Variants in PKD2L2 observed in about 807,000 individuals in gnomAD.
PKD2L2 encodes the protein polycystin 2 like 2, transient receptor potential cation channel.
A neutral mutation model predicts 83.9 loss-of-function variants in PKD2L2; 67 were observed. That is an observed-to-expected ratio of 0.80 (90% CI 0.66 to 0.98). The LOEUF is 0.98. PKD2L2 is among the 50% of genes least tolerant of loss of function. The probability of loss-of-function intolerance (pLI) is 0.00; values close to 1 mark genes in which losing one functional copy is unlikely to be tolerated. For missense variants in PKD2L2, 632 were observed against 717.2 expected (o/e 0.88, Z 1.36); for synonymous variants, 223 against 237.8 (o/e 0.94, Z 0.57).
intron 12 of PKD2L2, among the ~76,000 whole-genome samples, chr5:137,927,815 TG>T (rs971133611): frequency 6.6e-6 from 1 of 152,222 alleles, no homozygotes; most frequent in African/African-American, 2.4e-5. Context: ...TTCACTACGT[TG>T]GCCAGGCTGG....
chr5:137,923,909 C>T (rs1178236490), intron 10 of PKD2L2, among the ~76,000 whole-genome samples: 2 of 152,190 alleles, frequency 1.3e-5, no homozygotes, highest in Non-Finnish European at 2.9e-5. Flanking sequence ...CATGTGTCGT[C>T]TTCCTCATTT....
chr5:137,940,554 G>C (rs572897654), intron 14 of PKD2L2: 57 of 513,478 alleles, frequency 1.1e-4, no homozygotes, highest in Admixed American at 7.5e-5. Flanking sequence ...TCTACTGATA[G>C]ATTAAATGAT....
rs765492039 is a variant in PKD2L2 at position 137,899,745 on chromosome 5, A to T, written c.746+8A>T. On this transcript the variant is annotated splice_region_variant and intron_variant, in intron 5 of 14. Transcript: ENST00000508883. ...TCTATTTTGTATTATCAGGTGAGTG[A>T]CTCAAAACTTTTTTTCATAGACAGT... The T allele has an allele frequency of 6.5e-7, 1 of 1,539,880 alleles. No individual in the cohort carries two copies. The highest frequency in any genetic ancestry group is 1.1e-5 in the South Asian group (1 of 87,110).
chr5:137,921,798 A>G, intron 9 of PKD2L2, 42 bp downstream of exon 9: 2 of 1,409,232 alleles, frequency 1.4e-6, no homozygotes, highest in Non-Finnish European at 2.0e-6. Flanking sequence ...ACTTTTTAGA[A>G]TAAAAAGTAA....
chr5:137,920,588 C>A (rs547900079), intron 8 of PKD2L2, among the ~76,000 whole-genome samples: 2 of 152,078 alleles, frequency 1.3e-5, no homozygotes, highest in Non-Finnish European at 2.9e-5. Context: ...GAAACCCCAT[C>A]TCTACTAAAA....
chr5:137,935,726 A>G (rs1760273146), intron 12 of PKD2L2, 71 bp from the exon 13 acceptor site: 1 of 807,950 alleles, frequency 1.2e-6, no homozygotes, highest in Non-Finnish European at 2.1e-6. Context: ...CAATCCTGTG[A>G]TGCTTGTGTG....
At chr5:137,937,013 G>A (rs1343984534) in intron 14 of PKD2L2, among the ~76,000 whole-genome samples, 1 of 152,202 alleles carries the variant, frequency 6.6e-6, no homozygotes, top group Non-Finnish European at 1.5e-5. Flanking sequence ...AGTTCAGGCG[G>A]CAGGTCTCCA....
intron 14 of PKD2L2, chr5:137,940,506 AT>A: frequency 1.7e-6 from 1 of 575,088 alleles, no homozygotes; most frequent in Non-Finnish European, 3.0e-6. Context: ...TAATACCCTC[AT>A]CCCCAAGGAA....
intron 12 of PKD2L2, among the ~76,000 whole-genome samples, chr5:137,928,685 G>A (rs1417708741): frequency 6.6e-6 from 1 of 152,204 alleles, no homozygotes; most frequent in Non-Finnish European, 1.5e-5. Context: ...ACCCGCCTTG[G>A]CCTTCCAAAG....
chr5:137,925,447 G>A (rs544216795), intron 11 of PKD2L2, among the ~76,000 whole-genome samples: 2 of 152,268 alleles, frequency 1.3e-5, no homozygotes, highest in Admixed American at 6.5e-5. Flanking sequence ...TATAATGCCT[G>A]CCATCCTACT....
At chr5:137,890,365 C>G in intron 1 of PKD2L2, 116 bp from the exon 2 acceptor site, 1 of 636,676 alleles carries the variant, frequency 1.6e-6, no homozygotes, top group Non-Finnish European at 2.8e-6. Flanking sequence ...TAGCCAGAAG[C>G]TATTGGAGCT....
intron 8 of PKD2L2, among the ~76,000 whole-genome samples, chr5:137,919,738 C>T (rs1431566510): frequency 6.6e-6 from 1 of 152,126 alleles, no homozygotes; most frequent in Non-Finnish European, 1.5e-5. Context: ...CAGCTAGGTA[C>T]CGTGGATGGA....
intron 12 of PKD2L2, among the ~76,000 whole-genome samples, chr5:137,933,334 A>G (rs1330798790): frequency 6.6e-6 from 1 of 152,194 alleles, no homozygotes; most frequent in Non-Finnish European, 1.5e-5. Flanking sequence ...CTCCCTAAAA[A>G]GGGAGAAGCA....
At chr5:137,935,684 G>T in intron 12 of PKD2L2, 113 bp from the exon 13 acceptor site, 1 of 626,194 alleles carries the variant, frequency 1.6e-6, no homozygotes. Flanking sequence ...CTCAAAATCT[G>T]AGGGCTGGAG....
intron 14 of PKD2L2, chr5:137,938,918 G>T (rs919148130): frequency 1.3e-5 from 2 of 151,952 alleles, no homozygotes; most frequent in African/African-American, 4.8e-5. Flanking sequence ...ATCCAAAAAA[G>T]CACCAGAAAA....
At chr5:137,895,473 A>G (rs1436242107) in intron 4 of PKD2L2, among the ~76,000 whole-genome samples, 1 of 116,882 alleles carries the variant, frequency 8.6e-6, no homozygotes, top group African/African-American at 3.4e-5. Flanking sequence ...CCTTGTCCCT[A>G]AAAAAAAAAA....
chr5:137,931,349 A>C (rs914158109), intron 12 of PKD2L2, among the ~76,000 whole-genome samples: 3 of 152,194 alleles, frequency 2.0e-5, no homozygotes, highest in Non-Finnish European at 4.4e-5. Flanking sequence ...GGCAAAGAGA[A>C]AAGAAAAACT....
chr5:137,907,673 C>T (rs1757473908), intron 6 of PKD2L2, 69 bp from the exon 7 acceptor site: 2 of 911,906 alleles, frequency 2.2e-6, no homozygotes, highest in South Asian at 3.5e-5. Flanking sequence ...TTTGTGTTTC[C>T]TCATAGGCTG....
chr5:137,900,340 G>A (rs1414813517), intron 5 of PKD2L2, among the ~76,000 whole-genome samples: 5 of 152,122 alleles, frequency 3.3e-5, no homozygotes, highest in East Asian at 1.9e-4. Flanking sequence ...TATAGTTCTC[G>A]TGTGTTTTTT....
Sources: allele counts gnomAD v4.1 joint callset (sites outside exome capture counted in the v4.1 genomes callset), GRCh38; gene constraint gnomAD v4.1.1; transcripts MANE v1.5; gene names NCBI Gene and HGNC (gene_info 2026-07-23, HGNC 2026-07-21).